The following PEX1 variants were observed in gnomAD, a reference collection of about 807,000 sequenced individuals.
PEX1 encodes peroxisomal biogenesis factor 1, also known as peroxisomal ATPase PEX1.
Under a neutral mutation model 152.5 loss-of-function variants are expected in PEX1, and 97 were observed. The ratio of observed to expected loss-of-function variants is 0.64; its 90% CI spans 0.54 to 0.75. The LOEUF (loss-of-function observed/expected upper bound fraction) is 0.75, where lower values mean the gene tolerates loss of function less well. PEX1 is among the 30% of genes least tolerant of loss of function. The probability of loss-of-function intolerance (pLI) is 0.00; values close to 1 mark genes in which losing one functional copy is unlikely to be tolerated. For missense variants in PEX1, 1,357 were observed against 1,516.3 expected, an observed-to-expected ratio of 0.89 and a Z score of 1.74; for synonymous variants, 485 against 531.6, an observed-to-expected ratio of 0.91 and a Z score of 1.21.
Position 92,508,332 on chromosome 7 carries a change from C to T in PEX1, c.1670+997G>A, listed in dbSNP as rs1219576641. 2.0e-5 allele frequency among the ~76,000 whole-genome samples: 3 copies of T among 151,930 alleles called. No homozygotes were observed. The East Asian group carries it at 5.8e-4, about 29-fold the overall frequency. Reference sequence around the variant, plus strand: ...TTGGGAGGCTGAGGCAGGCGGATCACTTGAGACCAGCCTGGCCAACATGGT... The same window carrying T: ...TTGGGAGGCTGAGGCAGGCGGATCATTTGAGACCAGCCTGGCCAACATGGT... On this transcript the variant is annotated intron_variant, in intron 9 of 23. Transcript: ENST00000248633.
Position 92,499,590 on chromosome 7 carries a change from G to A in PEX1, c.2718+114C>T, listed in dbSNP as rs555675819. ...AGTTTTGAAATTAGAGAGAGGTGGT[G>A]GTTGCATAGCATTGTGAATGCACTA... is the stretch of plus-strand genomic sequence containing the variant. On this transcript the variant is annotated intron_variant, in intron 16 of 23. Transcript: ENST00000248633. 48 of 848,744 alleles carry A rather than the reference G, an allele frequency of 5.7e-5. No individual in the cohort carries two copies. The South Asian group carries it at 6.3e-4, about 11-fold the overall frequency. The allele number at this position is 848,744 out of a possible 1,614,324, so 52.6% of individuals were successfully genotyped here.
intron 17 of PEX1, among the ~76,000 whole-genome samples, chr7:92,495,145 C>G (rs2116099999): frequency 6.6e-6 from 1 of 152,104 alleles, no homozygotes; most frequent in African/African-American, 2.4e-5. Context: ...TAAGGGCTCT[C>G]TATAAAATAT....
At chr7:92,528,056 T>A (rs2116296148) in intron 1 of PEX1, among the ~76,000 whole-genome samples, 1 of 152,286 alleles carries the variant, frequency 6.6e-6, no homozygotes, top group Middle Eastern at 3.4e-3. Flanking sequence ...ATAAAAACAG[T>A]GGTAGAATAT....
At chr7:92,499,155 T>G (rs1791799999) in intron 16 of PEX1, among the ~76,000 whole-genome samples, 1 of 152,186 alleles carries the variant, frequency 6.6e-6, no homozygotes, top group African/African-American at 2.4e-5. Context: ...AAAGACAGTT[T>G]GGTGGTTCTT....
intron 6 of PEX1, among the ~76,000 whole-genome samples, chr7:92,512,704 G>A (rs1325212622): frequency 6.6e-6 from 1 of 152,098 alleles, no homozygotes; most frequent in Non-Finnish European, 1.5e-5. Flanking sequence ...TGGCCAGGCT[G>A]GTCTCCAACT....
chr7:92,513,779 G>C (rs1792591809), intron 6 of PEX1, 69 bp downstream of exon 6: 1 of 1,177,212 alleles, frequency 8.5e-7, no homozygotes, highest in Admixed American at 1.7e-5. Context: ...TTATTACTTA[G>C]CTAAAGCAAC....
intron 3 of PEX1, among the ~76,000 whole-genome samples, chr7:92,518,536 A>G (rs1792910131): frequency 6.6e-6 from 1 of 152,154 alleles, no homozygotes; most frequent in Admixed American, 6.5e-5. Context: ...TTTATTACCT[A>G]TAGTTGTCAG....
At position 92,487,458 on chromosome 7, in the gene PEX1, T is replaced by C. The variant is rs957039229; in HGVS notation, c.3851A>G (p.Ter1284=). ...AACCAAATCAAAAAGAAGTATATTTTATGCTAAAGTTACTTTCTGTCCAGG... is the reference window on the plus strand; with the variant it reads ...AACCAAATCAAAAAGAAGTATATTTCATGCTAAAGTTACTTTCTGTCCAGG... The part of the protein sequence containing the change: ...FRPGQKVTLA[*] The change falls in exon 24 of 24, where the codon TAA becomes TGA. Residue 1284 remains the stop codon, a stop_retained_variant. Transcript: ENST00000248633. 1 of 1,546,330 alleles carries C rather than the reference T, an allele frequency of 6.5e-7. No homozygotes were observed. Among genetic ancestry groups the C allele is most frequent in the Non-Finnish European group, 8.9e-7 (1 of 1,123,162 alleles).
chr7:92,504,859 G>T lies in PEX1; in HGVS notation c.1944C>A (p.Phe648Leu). Residue 648 changes from phenylalanine to leucine, a missense_variant, in exon 12 of 24, where the codon TTC becomes TTA. Coordinates refer to ENST00000248633, the MANE Select transcript of PEX1 (RefSeq NM_000466.3). ...ATGGCTGCATCCACACTGCCTCTGA[G>T]AAAGCCACCTCTAGGGTTTTTTGTA... ...ENIQKTLEVAFSEAVWMQPSV... is the reference protein window; with the variant it reads ...ENIQKTLEVALSEAVWMQPSV... 1 of 1,613,998 alleles carries T rather than the reference G, an allele frequency of 6.2e-7. No homozygotes were observed. The highest frequency in any genetic ancestry group is 1.1e-5 in the South Asian group (1 of 91,078).
At position 92,518,990 on chromosome 7, in the gene PEX1, T is replaced by G. The variant is rs747774810; in HGVS notation, c.357+5A>C. 1.3e-6 allele frequency: 2 copies of G among 1,597,062 alleles called. No individual in the cohort carries two copies. Among genetic ancestry groups the G allele is most frequent in the South Asian group, 2.2e-5 (2 of 90,746 alleles). On this transcript the variant is annotated splice_donor_5th_base_variant and intron_variant, in intron 3 of 23. Coordinates refer to ENST00000248633, the MANE Select transcript of PEX1 (RefSeq NM_000466.3). ...ATGAGATAGTTCTTATTTGGTTTTC[T>G]TTACCAGTATCTCCCAATCATCTGC...
At chr7:92,500,446 C>A (rs753438985) in intron 15 of PEX1, among the ~76,000 whole-genome samples, 3 of 152,226 alleles carry the variant, frequency 2.0e-5, no homozygotes, top group Non-Finnish European at 2.9e-5. Context: ...CTGCTCCAAT[C>A]TGAAAGAAGC....
intron 17 of PEX1, 49 bp downstream of exon 17, chr7:92,496,664 T>C: frequency 8.2e-7 from 1 of 1,216,082 alleles, no homozygotes; most frequent in African/African-American, 1.5e-5. Context: ...CACTGATTGA[T>C]AAATAATAAC....
chr7:92,509,755 A>G (rs76375332), intron 8 of PEX1, among the ~76,000 whole-genome samples: 3,899 of 152,308 alleles, frequency 0.026, 204 homozygotes, highest in African/African-American at 0.089. Flanking sequence ...TAAAGAAACA[A>G]TGTCTAGTTC....
intron 23 of PEX1, among the ~76,000 whole-genome samples, chr7:92,488,951 C>T (rs1002611052): frequency 9.2e-5 from 14 of 152,106 alleles, no homozygotes; most frequent in Admixed American, 7.9e-4. Context: ...TTAGGCTTGC[C>T]TCGAACTCCT....
In PEX1 at chr7:92,517,528, A is replaced by G. The variant is rs750086687; in HGVS notation, c.987T>C (p.Thr329=). 6.2e-7 allele frequency: 1 copy of G among 1,614,124 alleles called. No individual in the cohort carries two copies. Among genetic ancestry groups the G allele is most frequent in the South Asian group, 1.1e-5 (1 of 91,088 alleles). Residue 329 remains threonine (T), a synonymous_variant, in exon 5 of 24, where the codon ACT becomes ACC. Coordinates refer to ENST00000248633, the MANE Select transcript of PEX1 (RefSeq NM_000466.3). ...GCTTAACTAGCTTTCCATATGTCACAGTAAAGCTGGGCTCTACATCAAAAT... is the reference window on the plus strand; with the variant it reads ...GCTTAACTAGCTTTCCATATGTCACGGTAAAGCTGGGCTCTACATCAAAAT... The part of the protein sequence containing the change: ...QEYFDVEPSF[T]VTYGKLVKLL...
chr7:92,521,925 A>T (rs986592745), intron 2 of PEX1, among the ~76,000 whole-genome samples, 177 bp downstream of exon 2: 3 of 152,230 alleles, frequency 2.0e-5, no homozygotes, highest in African/African-American at 7.2e-5. Flanking sequence ...GTAAACTACA[A>T]GATAATGACC....
intron 12 of PEX1, among the ~76,000 whole-genome samples, chr7:92,504,288 C>T (rs1173265095): frequency 6.6e-6 from 1 of 152,006 alleles, no homozygotes; most frequent in African/African-American, 2.4e-5. Flanking sequence ...GGAATATCTT[C>T]ATGTAGAATA....
chr7:92,492,040 A>G (rs1791359962), intron 20 of PEX1, among the ~76,000 whole-genome samples: 1 of 152,248 alleles, frequency 6.6e-6, no homozygotes, highest in South Asian at 2.1e-4. Flanking sequence ...GGTAAAGTCT[A>G]TAATGTAACA....
chr7:92,512,792 AT>A (rs1029044243), intron 6 of PEX1, among the ~76,000 whole-genome samples: 2 of 150,000 alleles, frequency 1.3e-5, no homozygotes, highest in South Asian at 2.1e-4. Context: ...GCCTGGCTTA[AT>A]TTTTTTTTTA....
Sources: gnomAD v4.1 joint callset for allele counts (sites outside exome capture counted in the v4.1 genomes callset) on GRCh38, gnomAD v4.1.1 for gene constraint, MANE v1.5 for transcripts, NCBI Gene and HGNC (gene_info 2026-07-23, HGNC 2026-07-21) for gene names.